Variants in PDE10A observed in about 807,000 individuals in gnomAD.
The protein encoded by PDE10A is cAMP and cAMP-inhibited cGMP 3',5'-cyclic phosphodiesterase 10A.
Under a neutral mutation model 97.7 loss-of-function variants are expected in PDE10A, and 39 were observed. That is an observed-to-expected ratio of 0.40 (90% CI 0.31 to 0.52). The LOEUF (loss-of-function observed/expected upper bound fraction) is 0.52. Among genes scored for constraint, PDE10A ranks in the 20% least tolerant of loss-of-function variants. The pLI is 0.56. For synonymous variants in PDE10A, 371 were observed against 376.8 expected (o/e 0.98, Z 0.18); for missense variants, 731 against 1,047.8 (o/e 0.70, Z 4.17).
Position 165,478,564 on chromosome 6 carries a change from A to G in PDE10A, c.1023+3751T>C, listed in dbSNP as rs1270681427. Among the ~76,000 whole-genome samples, 5 of 152,358 alleles carry G rather than the reference A, an allele frequency of 3.3e-5. No homozygotes were observed. In the East Asian group the frequency reaches 9.6e-4, roughly 29 times the overall value. On this transcript the variant is annotated intron_variant, in intron 3 of 21. Transcript: ENST00000539869. ...AGCCTGACTCTAGTATAGCAGCATC[A>G]CATGACGGCAGGCCCTGAAAGAAAT...
chr6:165,803,110 T>C (rs1049047334), intron 1 of PDE10A, among the ~76,000 whole-genome samples: 1 of 152,224 alleles, frequency 6.6e-6, no homozygotes, highest in Non-Finnish European at 1.5e-5. Flanking sequence ...GACAATTCCA[T>C]CCTTTGAAAC....
At chr6:165,839,971 T>G in intron 1 of PDE10A, among the ~76,000 whole-genome samples, 1 of 48,958 alleles carries the variant, frequency 2.0e-5, no homozygotes, top group South Asian at 6.8e-4. Flanking sequence ...ATCTCTGTCT[T>G]CATCCCCATC....
chr6:165,862,628 A>T (rs1780936078), intron 1 of PDE10A, among the ~76,000 whole-genome samples: 1 of 152,108 alleles, frequency 6.6e-6, no homozygotes, highest in South Asian at 2.1e-4. Flanking sequence ...CACTAAGAGC[A>T]AGTGAGTCAA....
chr6:165,785,725 G>A (rs1778475345), intron 1 of PDE10A, among the ~76,000 whole-genome samples: 2 of 152,212 alleles, frequency 1.3e-5, no homozygotes, highest in African/African-American at 4.8e-5. Flanking sequence ...GGATAAAAGA[G>A]AATTAAGGAT....
chr6:165,403,327 A>G (rs1413011996), intron 13 of PDE10A, among the ~76,000 whole-genome samples: 2 of 152,210 alleles, frequency 1.3e-5, no homozygotes, highest in African/African-American at 4.8e-5. Context: ...GCAAGAGCCA[A>G]TTATGCACAT....
intron 1 of PDE10A, among the ~76,000 whole-genome samples, chr6:165,918,761 C>T (rs1288073447): frequency 6.6e-6 from 1 of 151,596 alleles, no homozygotes; most frequent in East Asian, 1.9e-4. Flanking sequence ...CAGGTTTCAC[C>T]TCTGGAGCAG....
chr6:165,953,586 G>A (rs1018059348), intron 1 of PDE10A, among the ~76,000 whole-genome samples: 7 of 49,042 alleles, frequency 1.4e-4, no homozygotes, highest in South Asian at 1.4e-3. Context: ...ATGAGACTTC[G>A]TCTCAAAAAA....
At chr6:165,458,258 ATC>A (rs1259891034) in intron 3 of PDE10A, among the ~76,000 whole-genome samples, 1 of 152,206 alleles carries the variant, frequency 6.6e-6, no homozygotes, top group Non-Finnish European at 1.5e-5. Flanking sequence ...TATAGACTGT[ATC>A]TCTGTCTCCC....
At position 165,379,186 on chromosome 6, in the gene PDE10A, A is replaced by T. The variant is rs1203089008; in HGVS notation, c.2783+8T>A. ...CTGGGCTTCTAAGCTTTTAAAAATT[A>T]TTTTTACCTATGTGATTGATTATTA... is the stretch of plus-strand genomic sequence containing the variant. On this transcript the variant is annotated splice_region_variant and intron_variant, in intron 18 of 21. Transcript: ENST00000539869. 3 of 1,583,916 alleles carry T rather than the reference A, an allele frequency of 1.9e-6. No individual in the cohort carries two copies. Among genetic ancestry groups the T allele is most frequent in the Non-Finnish European group, 2.6e-6 (3 of 1,163,724 alleles).
chr6:165,544,422 TTGGTGCTTTGTGTTGG>T (rs1783629640), intron 1 of PDE10A, among the ~76,000 whole-genome samples: 1 of 152,176 alleles, frequency 6.6e-6, no homozygotes, highest in South Asian at 2.1e-4. Context: ...TGTTTTCAAT[TTGGTGCTTTGTGTTGG>T]TATGCCATTT....
chr6:165,799,729 A>G (rs540942961), intron 1 of PDE10A, among the ~76,000 whole-genome samples: 1 of 152,336 alleles, frequency 6.6e-6, no homozygotes, highest in South Asian at 2.1e-4. Flanking sequence ...ATAACAAATA[A>G]GTTCAGTAAA....
At chr6:165,702,261 C>T (rs1582956863) in intron 1 of PDE10A, among the ~76,000 whole-genome samples, 2 of 152,212 alleles carry the variant, frequency 1.3e-5, no homozygotes, top group East Asian at 3.8e-4. Flanking sequence ...ATTTGTAAAA[C>T]ATTAATTTTC....
chr6:165,677,906 A>G (rs1409468452), intron 1 of PDE10A, among the ~76,000 whole-genome samples: 2 of 151,198 alleles, frequency 1.3e-5, no homozygotes, highest in African/African-American at 2.4e-5. Flanking sequence ...ATATATGTGT[A>G]TTTGTGTATG....
intron 1 of PDE10A, among the ~76,000 whole-genome samples, chr6:165,970,799 T>C (rs1460896870): frequency 6.6e-6 from 1 of 152,192 alleles, no homozygotes; most frequent in Non-Finnish European, 1.5e-5. Flanking sequence ...AAACAGTGCA[T>C]TGGAGAAAGT....
At chr6:165,580,833 CG>C (rs1785574622) in intron 1 of PDE10A, among the ~76,000 whole-genome samples, 2 of 150,116 alleles carry the variant, frequency 1.3e-5, no homozygotes, top group Non-Finnish European at 3.0e-5. Flanking sequence ...TCCTACCCAA[CG>C]AGAAAGAAGA....
At chr6:165,525,583 T>C (rs1464240358) in intron 2 of PDE10A, among the ~76,000 whole-genome samples, 2 of 152,178 alleles carry the variant, frequency 1.3e-5, no homozygotes, top group Admixed American at 1.3e-4. Flanking sequence ...CTTTGCGAAA[T>C]AGATTTGTGA....
intron 1 of PDE10A, among the ~76,000 whole-genome samples, chr6:165,647,903 C>G (rs1469968904): frequency 6.6e-6 from 1 of 152,234 alleles, no homozygotes. Context: ...ACAATCTTAA[C>G]GACTGTAGCA....
In PDE10A at chr6:165,640,844, TAAG is replaced by T. The variant is rs551618992; in HGVS notation, c.865+21100_865+21102del. Among the ~76,000 whole-genome samples the T allele has an allele frequency of 1.4e-4, 21 of 152,354 alleles. No homozygotes were observed. In the East Asian group the frequency reaches 2.9e-3, roughly 21 times the overall value. On this transcript the variant is annotated intron_variant, in intron 1 of 21. Coordinates refer to ENST00000539869, the MANE Select transcript of PDE10A (RefSeq NM_001385079.1). Reference sequence around the variant, plus strand: ...AAGAATAATATAACTCATCTATTAATAAGAAGTATGATAATTTTGCATTGGCTG... The same window carrying T: ...AAGAATAATATAACTCATCTATTAATAAGTATGATAATTTTGCATTGGCTG...
intron 1 of PDE10A, among the ~76,000 whole-genome samples, chr6:165,820,449 A>G (rs928431707): frequency 6.6e-6 from 1 of 152,190 alleles, no homozygotes; most frequent in East Asian, 1.9e-4. Flanking sequence ...TTTGATTCCA[A>G]TAAATGAGTT....
Sources: gnomAD v4.1 joint callset for allele counts (sites outside exome capture counted in the v4.1 genomes callset) on GRCh38, gnomAD v4.1.1 for gene constraint, MANE v1.5 for transcripts, NCBI Gene and HGNC (gene_info 2026-07-23, HGNC 2026-07-21) for gene names.